GPHN: variants seen among roughly 807,000 people sequenced by gnomAD.
GPHN encodes gephyrin.
GPHN carries 17 observed loss-of-function variants against 95.5 expected under a neutral mutation model. The ratio of observed to expected loss-of-function variants is 0.18; its 90% confidence interval spans 0.12 to 0.27. GPHN has a LOEUF of 0.27. Among genes scored for constraint, GPHN ranks in the 10% least tolerant of loss-of-function variants. The probability of loss-of-function intolerance (pLI) is 1.00; values close to 1 mark genes in which losing one functional copy is unlikely to be tolerated. For missense variants in GPHN, 660 were observed against 978.1 expected, an observed-to-expected ratio of 0.67 and a Z score of 4.34; for synonymous variants, 320 against 322.5, an observed-to-expected ratio of 0.99 and a Z score of 0.08.
chr14:67,346,878 TC>T, the GPHN span, among the ~76,000 whole-genome samples: 2 of 152,238 alleles, frequency 1.3e-5, no homozygotes, highest in African/African-American at 4.8e-5. Flanking sequence ...GAATTCATAT[TC>T]AAAAGGCCTT....
intron 9 of GPHN, among the ~76,000 whole-genome samples, chr14:66,990,088 G>A (rs550135871): frequency 7.2e-5 from 11 of 152,226 alleles, no homozygotes; most frequent in East Asian, 3.9e-4. Context: ...CAATCATGGC[G>A]GAAGGTGAAG....
the GPHN span, among the ~76,000 whole-genome samples, chr14:67,713,330 GT>G: frequency 7.4e-6 from 1 of 135,124 alleles, no homozygotes; most frequent in Non-Finnish European, 1.5e-5. Flanking sequence ...CCATAAAGGA[GT>G]TACCTGCTTT....
the GPHN span, among the ~76,000 whole-genome samples, chr14:67,479,448 T>C: frequency 8.1e-3 from 1,198 of 148,620 alleles, 17 homozygotes; most frequent in Admixed American, 0.034. Context: ...CTGGGTGCAG[T>C]AGCTCATGCC....
At chr14:66,719,687 C>G (rs181681152) in intron 2 of GPHN, among the ~76,000 whole-genome samples, 24 of 152,284 alleles carry the variant, frequency 1.6e-4, no homozygotes, top group Non-Finnish European at 3.1e-4. Context: ...CCCTGCTGCA[C>G]AAATTTGTGA....
the GPHN span, chr14:67,615,978 A>G: frequency 3.1e-6 from 1 of 324,540 alleles, no homozygotes. Flanking sequence ...AGCTAAAGGA[A>G]AGTCTGATGC....
intron 5 of GPHN, among the ~76,000 whole-genome samples, chr14:66,910,561 T>G (rs948577047): frequency 2.6e-5 from 4 of 151,968 alleles, no homozygotes; most frequent in Non-Finnish European, 5.9e-5. Context: ...CCTAGAACAT[T>G]AGCTTTCAAA....
intron 2 of GPHN, among the ~76,000 whole-genome samples, chr14:66,773,695 T>C (rs2153459492): frequency 6.6e-6 from 1 of 152,284 alleles, no homozygotes. Flanking sequence ...GTCGTGACTC[T>C]CTTTTGCTTT....
At chr14:67,729,277 C>G in the GPHN span, 2 of 1,605,996 alleles carry the variant, frequency 1.2e-6, no homozygotes. Context: ...CCTGCTCTGG[C>G]GGCTCTTCTC....
intron 9 of GPHN, among the ~76,000 whole-genome samples, chr14:67,020,226 G>A (rs1405757819): frequency 2.6e-5 from 4 of 152,090 alleles, no homozygotes; most frequent in Non-Finnish European, 2.9e-5. Flanking sequence ...AAGTTGAAAT[G>A]TTCTCCCATA....
the GPHN span, among the ~76,000 whole-genome samples, chr14:67,583,311 C>G: frequency 6.6e-6 from 1 of 152,240 alleles, no homozygotes; most frequent in South Asian, 2.1e-4. Context: ...GTTTAAGTAA[C>G]TTGATCAGGG....
the GPHN span, among the ~76,000 whole-genome samples, chr14:67,300,631 T>G: frequency 1.3e-5 from 2 of 151,884 alleles, no homozygotes; most frequent in East Asian, 3.9e-4. Context: ...TCTGGCCTGT[T>G]TTAAGATTTT....
intron 9 of GPHN, among the ~76,000 whole-genome samples, chr14:67,019,176 G>A (rs1437298329): frequency 2.0e-5 from 3 of 152,130 alleles, no homozygotes; most frequent in African/African-American, 7.2e-5. Flanking sequence ...AGAGTACTTA[G>A]GAAACAGTTT....
intron 1 of GPHN, among the ~76,000 whole-genome samples, chr14:66,660,095 C>G (rs2065549142): frequency 2.0e-5 from 3 of 151,572 alleles, no homozygotes; most frequent in South Asian, 2.1e-4. Context: ...ATTGGTTACT[C>G]TAGTGTATGT....
At chr14:67,559,535 G>A in the GPHN span, 3 of 1,059,956 alleles carry the variant, frequency 2.8e-6, no homozygotes, top group South Asian at 2.7e-5. Context: ...GCCTTTCTTG[G>A]GGTTTCCCAC....
At chr14:67,562,472 T>C in the GPHN span, 1 of 1,613,730 alleles carries the variant, frequency 6.2e-7, no homozygotes, top group Admixed American at 1.7e-5. Context: ...TAGTTCAGCT[T>C]CCTGGGGTGA....
At chr14:67,176,863 T>C (rs2082994831) in intron 21 of GPHN, among the ~76,000 whole-genome samples, 1 of 152,242 alleles carries the variant, frequency 6.6e-6, no homozygotes, top group Non-Finnish European at 1.5e-5. Flanking sequence ...TTTATTTGCA[T>C]AGAGGTATTT....
At chr14:66,629,956 GAGTA>G (rs2063727180) in intron 1 of GPHN, among the ~76,000 whole-genome samples, 1 of 152,122 alleles carries the variant, frequency 6.6e-6, no homozygotes, top group Non-Finnish European at 1.5e-5. Flanking sequence ...GATTAAATAA[GAGTA>G]AGGACTTTTT....
At chr14:67,673,644 C>T in the GPHN span, among the ~76,000 whole-genome samples, 2 of 152,162 alleles carry the variant, frequency 1.3e-5, no homozygotes, top group African/African-American at 4.8e-5. Flanking sequence ...TTGAGTAATT[C>T]GTTGAGCAAA....
chr14:67,671,256 T>C, the GPHN span, among the ~76,000 whole-genome samples: 11 of 152,212 alleles, frequency 7.2e-5, no homozygotes, highest in African/African-American at 2.2e-4. Context: ...TTGGGCGCAG[T>C]GGCTCACACC....
Sources: allele counts gnomAD v4.1 joint callset (sites outside exome capture counted in the v4.1 genomes callset), GRCh38; gene constraint gnomAD v4.1.1; transcripts MANE v1.5; gene names NCBI Gene and HGNC (gene_info 2026-07-23, HGNC 2026-07-21).